Variants in ENPP3 observed in about 807,000 individuals in gnomAD.
The protein encoded by ENPP3 is ectonucleotide pyrophosphatase/phosphodiesterase family member 3.
In ENPP3, 104 loss-of-function variants were observed where a neutral mutation model predicts 117.8. That is an observed-to-expected ratio of 0.88 (90% CI 0.75 to 1.04). ENPP3 has a LOEUF of 1.04. Ranked by LOEUF, ENPP3 falls within the 50% of genes least tolerant of loss-of-function variation. ENPP3 has a pLI of 0.00. For synonymous variants in ENPP3, 380 were observed against 349.9 expected, an observed-to-expected ratio of 1.09 and a Z score of -0.96; for missense variants, 1,026 against 1,051.9, an observed-to-expected ratio of 0.98 and a Z score of 0.34.
intron 14 of ENPP3, among the ~76,000 whole-genome samples, chr6:131,688,217 A>G (rs1232536009): frequency 6.6e-6 from 1 of 152,186 alleles, no homozygotes; most frequent in Non-Finnish European, 1.5e-5. Flanking sequence ...ACAGATAAAT[A>G]TTACATGCGT....
At chr6:131,694,632 C>T (rs779219058) in intron 15 of ENPP3, among the ~76,000 whole-genome samples, 5 of 151,840 alleles carry the variant, frequency 3.3e-5, no homozygotes, top group Middle Eastern at 3.4e-3. Context: ...GCCAGGAGTT[C>T]GAGACCAGCC....
intron 24 of ENPP3, among the ~76,000 whole-genome samples, chr6:131,741,816 A>G (rs1389481309): frequency 6.6e-6 from 1 of 152,158 alleles, no homozygotes; most frequent in African/African-American, 2.4e-5. Flanking sequence ...TCCCATAGGC[A>G]ATTAGAGCCT....
intron 24 of ENPP3, among the ~76,000 whole-genome samples, chr6:131,741,154 G>A (rs527618435): frequency 1.4e-3 from 208 of 152,070 alleles, no homozygotes; most frequent in Non-Finnish European, 2.3e-3. Flanking sequence ...TAGTTAATTC[G>A]ACTTGCATAT....
intron 24 of ENPP3, among the ~76,000 whole-genome samples, chr6:131,741,600 A>G (rs1222958947): frequency 6.6e-6 from 1 of 152,180 alleles, no homozygotes; most frequent in African/African-American, 2.4e-5. Flanking sequence ...GAGGGTGGGT[A>G]TGAAGAATGA....
At chr6:131,690,403 C>T (rs906565664) in intron 14 of ENPP3, among the ~76,000 whole-genome samples, 1 of 152,110 alleles carries the variant, frequency 6.6e-6, no homozygotes, top group Non-Finnish European at 1.5e-5. Flanking sequence ...CCTCTACGAT[C>T]AAAAAAGATG....
intron 15 of ENPP3, 52 bp from the exon 16 acceptor site, chr6:131,718,620 T>A (rs1330789525): frequency 1.2e-5 from 10 of 862,584 alleles, no homozygotes; most frequent in Non-Finnish European, 1.6e-5. Flanking sequence ...TCTTACACTA[T>A]GGTCTCATAT....
intron 14 of ENPP3, among the ~76,000 whole-genome samples, chr6:131,687,587 A>T (rs1779180886): frequency 6.6e-6 from 1 of 152,166 alleles, no homozygotes; most frequent in Admixed American, 6.5e-5. Flanking sequence ...ATGGGAGGAG[A>T]TATTCACAAA....
intron 16 of ENPP3, among the ~76,000 whole-genome samples, 153 bp downstream of exon 16, chr6:131,718,891 T>TA (rs894590364): frequency 3.3e-5 from 5 of 152,194 alleles, no homozygotes; most frequent in African/African-American, 7.2e-5. Flanking sequence ...ACTGCTTTTT[T>TA]AAAACAGATA....
chr6:131,668,335 C>A (rs995727606), intron 6 of ENPP3, among the ~76,000 whole-genome samples: 9 of 148,684 alleles, frequency 6.1e-5, no homozygotes, highest in African/African-American at 2.0e-4. Context: ...GTCTCGCCCC[C>A]CCCTGAGGAT....
intron 24 of ENPP3, among the ~76,000 whole-genome samples, chr6:131,745,812 G>C (rs760930889): frequency 1.3e-5 from 2 of 152,056 alleles, no homozygotes; most frequent in Non-Finnish European, 2.9e-5. Context: ...TTTAATATCT[G>C]ATAAAGTTAA....
At chr6:131,646,086 A>C (rs1428192555) in intron 2 of ENPP3, among the ~76,000 whole-genome samples, 1 of 152,170 alleles carries the variant, frequency 6.6e-6, no homozygotes, top group South Asian at 2.1e-4. Flanking sequence ...AAGTCTCAGC[A>C]ATTAAGACTT....
intron 4 of ENPP3, 52 bp downstream of exon 4, chr6:131,652,719 A>G (rs1778290133): frequency 9.3e-6 from 15 of 1,611,438 alleles, no homozygotes; most frequent in Non-Finnish European, 1.3e-5. Context: ...GAGGAACTCC[A>G]TGAGTTTCCT....
intron 15 of ENPP3, among the ~76,000 whole-genome samples, chr6:131,717,354 GTGTGT>G (rs1562470356): frequency 0.1 from 841 of 8,452 alleles, 14 homozygotes; most frequent in African/African-American, 0.15. Flanking sequence ...TGCGGGGGGT[GTGTGT>G]GTGTGTGTGT....
intron 22 of ENPP3, 141 bp from the exon 23 acceptor site, chr6:131,737,890 T>C: frequency 1.7e-6 from 1 of 581,364 alleles, no homozygotes; most frequent in East Asian, 3.2e-5. Flanking sequence ...TTGTGAAGCC[T>C]ATTCTGGAGA....
intron 18 of ENPP3, among the ~76,000 whole-genome samples, chr6:131,723,304 G>T (rs1241936324): frequency 6.6e-6 from 1 of 152,082 alleles, no homozygotes; most frequent in Non-Finnish European, 1.5e-5. Flanking sequence ...GGGCTTTACA[G>T]GACAAAAGCT....
intron 2 of ENPP3, among the ~76,000 whole-genome samples, chr6:131,648,214 A>G (rs1179527340): frequency 6.6e-6 from 1 of 151,622 alleles, no homozygotes; most frequent in Non-Finnish European, 1.5e-5. Context: ...AAACTATAGT[A>G]GGATGAATTC....
At chr6:131,723,179 A>C (rs1219864600) in intron 18 of ENPP3, among the ~76,000 whole-genome samples, 2 of 152,226 alleles carry the variant, frequency 1.3e-5, no homozygotes, top group Non-Finnish European at 2.9e-5. Flanking sequence ...AACTAAATAA[A>C]AACACCTGCT....
chr6:131,726,961 T>C (rs1348273603), intron 20 of ENPP3, among the ~76,000 whole-genome samples: 1 of 152,204 alleles, frequency 6.6e-6, no homozygotes, highest in Non-Finnish European at 1.5e-5. Context: ...GATCTTGTGA[T>C]AGAGAAGGCT....
intron 16 of ENPP3, 128 bp downstream of exon 16, chr6:131,718,866 A>G: frequency 1.9e-6 from 1 of 536,870 alleles, no homozygotes; most frequent in Non-Finnish European, 3.3e-6. Context: ...CATTACTCAG[A>G]TGTTAAGCCT....
Sources: gnomAD v4.1 joint callset for allele counts (sites outside exome capture counted in the v4.1 genomes callset) on GRCh38, gnomAD v4.1.1 for gene constraint, MANE v1.5 for transcripts, NCBI Gene and HGNC (gene_info 2026-07-23, HGNC 2026-07-21) for gene names.